FAM47E: variants seen among roughly 807,000 people sequenced by gnomAD.
The protein encoded by FAM47E is family with sequence similarity 47 member E, also known as protein FAM47E.
A neutral mutation model predicts 41.6 loss-of-function variants in FAM47E; 32 were observed. The observed-to-expected ratio is 0.77, with a 90% confidence interval of 0.58 to 1.03. The LOEUF (loss-of-function observed/expected upper bound fraction) is 1.03, where lower values mean the gene tolerates loss of function less well. FAM47E is among the 50% of genes least tolerant of loss of function. The pLI is 0.00. For synonymous variants in FAM47E, 184 were observed against 188.7 expected, an observed-to-expected ratio of 0.98 and a Z score of 0.20; for missense variants, 424 against 485.4, an observed-to-expected ratio of 0.87 and a Z score of 1.19.
intron 7 of FAM47E, 101 bp downstream of exon 7, chr4:76,280,442 T>C (rs905988167): frequency 2.7e-5 from 17 of 641,462 alleles, no homozygotes; most frequent in Non-Finnish European, 4.3e-5. Flanking sequence ...AATAGTTCTC[T>C]TACAGGCACA....
At chr4:76,266,175 T>C (rs1470522893) in intron 3 of FAM47E, among the ~76,000 whole-genome samples, 1 of 152,242 alleles carries the variant, frequency 6.6e-6, no homozygotes, top group Non-Finnish European at 1.5e-5. Flanking sequence ...CTCTCCGTAG[T>C]CATCTTTTAC....
At chr4:76,237,361 T>TTG (rs1560733004) in intron 2 of FAM47E, among the ~76,000 whole-genome samples, 12 of 111,406 alleles carry the variant, frequency 1.1e-4, no homozygotes, top group African/African-American at 2.6e-4. Context: ...GTTTTTTTTT[T>TTG]TTTGTTTGTT....
At chr4:76,249,707 C>G (rs546606881), upstream of FAM47E, among the ~76,000 whole-genome samples, 47 of 152,128 alleles carry the variant, frequency 3.1e-4, no homozygotes, top group African/African-American at 8.4e-4. Flanking sequence ...ATCCTTCCCC[C>G]CAAGTTCCCA....
chr4:76,214,894 T>A (rs1733171379), intron 1 of FAM47E, among the ~76,000 whole-genome samples: 1 of 152,190 alleles, frequency 6.6e-6, no homozygotes, highest in African/African-American at 2.4e-5. Flanking sequence ...GCAGGTGTGA[T>A]CCTTGTGAAG....
intron 2 of FAM47E, among the ~76,000 whole-genome samples, chr4:76,239,116 C>T (rs985283875): frequency 6.6e-6 from 1 of 152,204 alleles, no homozygotes; most frequent in Non-Finnish European, 1.5e-5. Flanking sequence ...GTGTTTACCA[C>T]ATTTTGCTTA....
chr4:76,265,284 C>T (rs1734584861), intron 3 of FAM47E, among the ~76,000 whole-genome samples: 1 of 152,110 alleles, frequency 6.6e-6, no homozygotes, highest in Non-Finnish European at 1.5e-5. Flanking sequence ...CTTCCCCATT[C>T]TAGAGGGGAG....
upstream of FAM47E, among the ~76,000 whole-genome samples, chr4:76,251,181 G>A (rs1271298883): frequency 1.3e-5 from 2 of 152,156 alleles, no homozygotes; most frequent in East Asian, 3.9e-4. Flanking sequence ...CTAGAAGTGA[G>A]TCGAGGCAGA....
At chr4:76,260,706 T>A (rs1213862636) in intron 2 of FAM47E, among the ~76,000 whole-genome samples, 1 of 151,814 alleles carries the variant, frequency 6.6e-6, no homozygotes, top group Non-Finnish European at 1.5e-5. Context: ...AAAACAAAAA[T>A]AGACAAATGA....
At position 76,233,688 on chromosome 4, in the gene FAM47E, C is replaced by T. The variant is rs1733532288; in HGVS notation, c.81+16000C>T. Among the ~76,000 whole-genome samples the T allele has an allele frequency of 3.3e-5, 5 of 152,046 alleles. No homozygotes were observed. The South Asian group carries it at 1.0e-3, about 31-fold the overall frequency. ...TCCCCGGGTGGGGTTCTTTAAGAGACAGGGCTAGGAAAACATCCAGATACC... is the reference window on the plus strand; with the variant it reads ...TCCCCGGGTGGGGTTCTTTAAGAGATAGGGCTAGGAAAACATCCAGATACC... On this transcript the variant is annotated intron_variant, in intron 2 of 7. Transcript: ENST00000510197.
At chr4:76,228,478 T>TAAA (rs906897366) in intron 2 of FAM47E, among the ~76,000 whole-genome samples, 1 of 140,790 alleles carries the variant, frequency 7.1e-6, no homozygotes, top group Non-Finnish European at 1.6e-5. Flanking sequence ...GCCTCCATCT[T>TAAA]AAAAAAAAAA....
intron 3 of FAM47E, among the ~76,000 whole-genome samples, chr4:76,266,313 G>A (rs1734633238): frequency 6.6e-6 from 1 of 152,182 alleles, no homozygotes; most frequent in African/African-American, 2.4e-5. Context: ...GTCCTTAGTT[G>A]TATAATTGGC....
chr4:76,221,044 C>G lies in FAM47E; in HGVS notation c.81+3356C>G, dbSNP rs575973010. On this transcript the variant is annotated intron_variant, in intron 2 of 7. Transcript: ENST00000510197. ...GTCCCTCACTGATTCCTAATCAACT[C>G]CTGTAAAGAGTCAGCTCCCTAAGTC... Among the ~76,000 whole-genome samples the G allele has an allele frequency of 1.5e-3, 221 of 152,312 alleles. 1 individual carries two copies. The highest frequency in any genetic ancestry group is 2.6e-3 in the Non-Finnish European group (177 of 68,026).
rs1466166888 is a variant in FAM47E at position 76,234,413 on chromosome 4, AT to A, written c.81+16728del. On this transcript the variant is annotated intron_variant, in intron 2 of 7. Transcript: ENST00000510197. Reference sequence around the variant, plus strand: ...CCACAAAAATTCAGGCTTGCAGACAATTTGAATGGTAAGACAGAATTGTACT... The same window carrying A: ...CCACAAAAATTCAGGCTTGCAGACAATTGAATGGTAAGACAGAATTGTACT... 5.9e-5 allele frequency: 9 copies of A among 152,398 alleles called. No individual in the cohort carries two copies. In the East Asian group the frequency reaches 1.7e-3, roughly 29 times the overall value. 9.4% of individuals were successfully genotyped at this position (152,398 alleles called of 1,614,324 possible). A position where few individuals can be genotyped will look rare whatever the true frequency, so the allele number is the denominator to read the frequency against.
chr4:76,256,135 C>A, intron 1 of FAM47E, 43 bp from the exon 2 acceptor site: 1 of 1,526,230 alleles, frequency 6.6e-7, no homozygotes, highest in South Asian at 1.3e-5. Flanking sequence ...TATGAACAGG[C>A]ATGTGGTATT....
chr4:76,264,555 A>G (rs1734550708), intron 3 of FAM47E, among the ~76,000 whole-genome samples: 1 of 152,012 alleles, frequency 6.6e-6, no homozygotes, highest in African/African-American at 2.4e-5. Context: ...ACGCAGTGAT[A>G]AGTTTACTGG....
At chr4:76,231,131 G>A (rs1489869438) in intron 2 of FAM47E, among the ~76,000 whole-genome samples, 1 of 152,194 alleles carries the variant, frequency 6.6e-6, no homozygotes. Flanking sequence ...TAAGGGAGAG[G>A]AAAGGATGTC....
intron 2 of FAM47E, among the ~76,000 whole-genome samples, chr4:76,220,175 T>G (rs1733283891): frequency 6.6e-6 from 1 of 152,100 alleles, no homozygotes. Flanking sequence ...CCCCCAAAAT[T>G]GAAGACAGGT....
intron 5 of FAM47E, among the ~76,000 whole-genome samples, chr4:76,276,949 A>G (rs552775274): frequency 1.3e-5 from 2 of 152,276 alleles, no homozygotes; most frequent in Non-Finnish European, 2.9e-5. Context: ...TGCCCCACAC[A>G]TTCTGCCACA....
At chr4:76,249,902 T>TTA (rs1263238517), upstream of FAM47E, among the ~76,000 whole-genome samples, 5 of 152,238 alleles carry the variant, frequency 3.3e-5, no homozygotes, top group East Asian at 5.8e-4. Flanking sequence ...TGTTATTCCA[T>TTA]TATATATATG....
Sources: allele counts gnomAD v4.1 joint callset (sites outside exome capture counted in the v4.1 genomes callset), GRCh38; gene constraint gnomAD v4.1.1; transcripts MANE v1.5; gene names NCBI Gene and HGNC (gene_info 2026-07-23, HGNC 2026-07-21).